Variants in UBE2K observed in about 807,000 individuals in gnomAD.
The protein encoded by UBE2K is ubiquitin conjugating enzyme E2 K, also known as ubiquitin-conjugating enzyme E2 K.
UBE2K carries 6 observed loss-of-function variants against 30.0 expected under a neutral mutation model. That is an observed-to-expected ratio of 0.20 (90% CI 0.11 to 0.39). The LOEUF (loss-of-function observed/expected upper bound fraction) is 0.39. UBE2K is among the 10% of genes least tolerant of loss of function. The probability of loss-of-function intolerance (pLI) is 1.00; values close to 1 mark genes in which losing one functional copy is unlikely to be tolerated. For missense variants in UBE2K, 61 were observed against 241.6 expected (o/e 0.25, Z 4.96); for synonymous variants, 86 against 83.7 (o/e 1.03, Z -0.15).
chr4:39,757,000 G>GTTTTTTTTTGTTT (rs1721551596), intron 4 of UBE2K, among the ~76,000 whole-genome samples: 1 of 94,340 alleles, frequency 1.1e-5, no homozygotes, highest in Admixed American at 1.2e-4. Flanking sequence ...TTTTTTGGGT[G>GTTTTTTTTTGTTT]TTTTTTTTTT....
intron 4 of UBE2K, among the ~76,000 whole-genome samples, chr4:39,772,700 T>TG (rs1712979206): frequency 6.6e-6 from 1 of 151,974 alleles, no homozygotes; most frequent in Non-Finnish European, 1.5e-5. Flanking sequence ...ACTTTTTTTT[T>TG]TTTTTGAGAT....
chr4:39,723,131 C>T (rs541055425), intron 1 of UBE2K, among the ~76,000 whole-genome samples: 1 of 151,892 alleles, frequency 6.6e-6, no homozygotes, highest in East Asian at 1.9e-4. Flanking sequence ...GCACCCCCTG[C>T]CTTCCAGACT....
chr4:39,698,246 C>A lies in UBE2K; in HGVS notation c.-82C>A. 7.5e-7 allele frequency: 1 copy of A among 1,340,066 alleles called. No homozygotes were observed. Among genetic ancestry groups the A allele is most frequent in the Middle Eastern group, 2.0e-4 (1 of 4,988 alleles). The allele number at this position is 1,340,066 out of a possible 1,614,324, so 83.0% of individuals were successfully genotyped here. A position where few individuals can be genotyped will look rare whatever the true frequency, so the allele number is the denominator to read the frequency against. On this transcript the variant is annotated 5_prime_UTR_variant, in exon 1 of 7. Transcript: ENST00000261427. ...AGGTCTGAATCGCCGAGGGAGGAGG[C>A]GGTGGAGGAAGAGGTGGCGGCGGTG...
rs143494280 is a variant in UBE2K, at chr4:39,708,191, C to T, written c.63+9801C>T. Among the ~76,000 whole-genome samples, 183 of 152,150 alleles carry T rather than the reference C, an allele frequency of 1.2e-3. No homozygotes were observed. The East Asian group carries it at 0.021, about 18-fold the overall frequency. ...CTGGGATTGCAGGCGTGAGCCACCG[C>T]GCCTGGCCGAGATTCTTAAGTAAAT... On this transcript the variant is annotated intron_variant, in intron 1 of 6. Coordinates refer to ENST00000261427, the MANE Select transcript of UBE2K (RefSeq NM_005339.5).
In UBE2K at chr4:39,698,225, C is replaced by G; in HGVS notation, c.-103C>G. The G allele has an allele frequency of 8.6e-7, 1 of 1,163,864 alleles. No homozygotes were observed. Among genetic ancestry groups the G allele is most frequent in the Non-Finnish European group, 1.3e-6 (1 of 792,844 alleles). 72.1% of individuals were successfully genotyped at this position (1,163,864 alleles called of 1,614,324 possible). The stretch of plus-strand genomic sequence containing the variant: ...AGTGGCAGTGTTCGTGTGCTCAGGT[C>G]TGAATCGCCGAGGGAGGAGGCGGTG... On this transcript the variant is annotated 5_prime_UTR_variant, in exon 1 of 7. Transcript: ENST00000261427.
In UBE2K at chr4:39,778,344, C is replaced by T. The variant is rs202040675; in HGVS notation, c.529-16C>T. The T allele has an allele frequency of 6.4e-7, 1 of 1,569,496 alleles. No homozygotes were observed. Among genetic ancestry groups the T allele is most frequent in the East Asian group, 2.2e-5 (1 of 44,490 alleles). ...TCCTTGAGATTTAATTTCCTGTCCC[C>T]TTTTCTTCTCTACAGAATGCAGTAA... On this transcript the variant is annotated splice_polypyrimidine_tract_variant and intron_variant, in intron 6 of 6. Transcript: ENST00000261427.
Position 39,764,356 on chromosome 4 carries a change from G to C in UBE2K, c.299+8617G>C, listed in dbSNP as rs368802860. ...AACGTTTTCTCTTTGACATTGTTAT[G>C]AATTGTATCTAAATTTGCAGCTCTA... On this transcript the variant is annotated intron_variant, in intron 4 of 6. Coordinates refer to ENST00000261427, the MANE Select transcript of UBE2K (RefSeq NM_005339.5). Among the ~76,000 whole-genome samples, 4 of 151,854 alleles carry C rather than the reference G, an allele frequency of 2.6e-5. 1 individual carries two copies. Among genetic ancestry groups the C allele is most frequent in the African/African-American group, 9.6e-5 (4 of 41,478 alleles).
chr4:39,739,122 G>C (rs1720532893), intron 2 of UBE2K, among the ~76,000 whole-genome samples: 1 of 151,842 alleles, frequency 6.6e-6, no homozygotes, highest in Non-Finnish European at 1.5e-5. Flanking sequence ...TCGCCTCCTG[G>C]ATTCACGCCA....
chr4:39,739,548 G>A (rs12649966), intron 2 of UBE2K, among the ~76,000 whole-genome samples: 15,460 of 145,914 alleles, frequency 0.11, 1,047 homozygotes, highest in East Asian at 0.22. Flanking sequence ...CCGGGTTCAA[G>A]CAATTCTCCT....
At chr4:39,760,195 G>GAAAA (rs71194914) in intron 4 of UBE2K, among the ~76,000 whole-genome samples, 1 of 102,582 alleles carries the variant, frequency 9.7e-6, no homozygotes, top group Non-Finnish European at 1.8e-5. Context: ...AAAAAAAACA[G>GAAAA]AAAAAAAAAA....
chr4:39,735,603 G>A (rs1356392559), intron 1 of UBE2K, among the ~76,000 whole-genome samples: 8 of 152,124 alleles, frequency 5.3e-5, no homozygotes, highest in South Asian at 2.1e-4. Flanking sequence ...GGATGGTCTC[G>A]ATCTCCTGAC....
In UBE2K at chr4:39,708,271, C is replaced by A. The variant is rs1251487738; in HGVS notation, c.63+9881C>A. Among the ~76,000 whole-genome samples the A allele has an allele frequency of 2.0e-5, 3 of 152,038 alleles. No homozygotes were observed. The East Asian group carries it at 5.8e-4, about 29-fold the overall frequency. The stretch of plus-strand genomic sequence containing the variant: ...CTATGGAACAAAGAGATTATTGATA[C>A]AATTATTCAAGAAGCACATTTGCAT... On this transcript the variant is annotated intron_variant, in intron 1 of 6. Transcript: ENST00000261427.
chr4:39,726,595 CTGTT>C (rs781495667), intron 1 of UBE2K, among the ~76,000 whole-genome samples: 21 of 151,972 alleles, frequency 1.4e-4, no homozygotes, highest in South Asian at 2.1e-4. Flanking sequence ...GATTATTTTG[CTGTT>C]TGTTTGTTTG....
intron 1 of UBE2K, among the ~76,000 whole-genome samples, chr4:39,718,109 T>G (rs1719200943): frequency 6.6e-6 from 1 of 152,122 alleles, no homozygotes; most frequent in Admixed American, 6.5e-5. Context: ...CCTGTTTTTA[T>G]TCTCTTATCT....
At chr4:39,763,864 T>C (rs1368913867) in intron 4 of UBE2K, among the ~76,000 whole-genome samples, 2 of 152,106 alleles carry the variant, frequency 1.3e-5, no homozygotes, top group Non-Finnish European at 2.9e-5. Flanking sequence ...CTCAGCCTTC[T>C]GAGTAACTGT....
chr4:39,728,305 C>G (rs564352927), intron 1 of UBE2K, among the ~76,000 whole-genome samples: 3 of 152,182 alleles, frequency 2.0e-5, no homozygotes, highest in African/African-American at 7.2e-5. Context: ...AAAATATTGC[C>G]TGTAAATTAT....
At chr4:39,707,503 A>G (rs541826344) in intron 1 of UBE2K, among the ~76,000 whole-genome samples, 9 of 147,734 alleles carry the variant, frequency 6.1e-5, no homozygotes, top group Non-Finnish European at 1.2e-4. Context: ...CCTGGCCTGT[A>G]TGACTGTATG....
chr4:39,732,800 T>C (rs1720145818), intron 1 of UBE2K, among the ~76,000 whole-genome samples: 1 of 150,962 alleles, frequency 6.6e-6, no homozygotes, highest in South Asian at 2.1e-4. Flanking sequence ...CTCAGCCTCC[T>C]GAGTAGCTGG....
Position 39,760,725 on chromosome 4 carries a change from G to A in UBE2K, c.299+4986G>A, listed in dbSNP as rs10029519. Among the ~76,000 whole-genome samples, 837 of 152,074 alleles carry A rather than the reference G, an allele frequency of 5.5e-3. 6 individuals carry two copies. Among genetic ancestry groups the A allele is most frequent in the African/African-American group, 0.019 (771 of 41,486 alleles). Reference sequence around the variant, plus strand: ...ATCCTGGCTAACACGGTGAAACCCCGTCTCTACTAAAAATACAAAAAATTA... The same window carrying A: ...ATCCTGGCTAACACGGTGAAACCCCATCTCTACTAAAAATACAAAAAATTA... On this transcript the variant is annotated intron_variant, in intron 4 of 6. Transcript: ENST00000261427.
Sources: allele counts gnomAD v4.1 joint callset (sites outside exome capture counted in the v4.1 genomes callset), GRCh38; gene constraint gnomAD v4.1.1; transcripts MANE v1.5; gene names NCBI Gene and HGNC (gene_info 2026-07-23, HGNC 2026-07-21).